XPO6: variants seen among roughly 807,000 people sequenced by gnomAD.
XPO6 encodes the protein exportin-6.
In XPO6, 3 loss-of-function variants were observed where a neutral mutation model predicts 130.0. The ratio of observed to expected loss-of-function variants is 0.02; its 90% CI spans 0.01 to 0.06. The LOEUF is 0.06. Ranked by LOEUF, XPO6 falls within the 10% of genes least tolerant of loss-of-function variation. XPO6 has a pLI of 1.00. For missense variants in XPO6, 970 were observed against 1,393.0 expected, an observed-to-expected ratio of 0.70 and a Z score of 4.83; for synonymous variants, 524 against 548.9, an observed-to-expected ratio of 0.95 and a Z score of 0.63.
At chr16:28,147,074 C>T (rs2042997119) in intron 8 of XPO6, among the ~76,000 whole-genome samples, 1 of 152,176 alleles carries the variant, frequency 6.6e-6, no homozygotes, top group African/African-American at 2.4e-5. Context: ...CTCACTGGAC[C>T]ACATATTTGG....
intron 17 of XPO6, among the ~76,000 whole-genome samples, chr16:28,109,793 GA>G (rs2086874600): frequency 6.6e-6 from 1 of 152,208 alleles, no homozygotes; most frequent in South Asian, 2.1e-4. Flanking sequence ...AACAACTGGG[GA>G]AAGTGTTAAT....
In XPO6 at chr16:28,147,380, T is replaced by C. The variant is rs527264392; in HGVS notation, c.1225-1177A>G. Among the ~76,000 whole-genome samples the C allele has an allele frequency of 6.0e-5, 9 of 151,246 alleles. No individual in the cohort carries two copies. In the South Asian group the frequency reaches 6.3e-4, roughly 11 times the overall value. The stretch of plus-strand genomic sequence containing the variant: ...GAGTTCGAGACCAGCCTGGGCAACA[T>C]AGTGAGACTCGGTGTGTATATTTTA... On this transcript the variant is annotated intron_variant, in intron 8 of 23. Coordinates refer to ENST00000304658, the MANE Select transcript of XPO6 (RefSeq NM_015171.4).
intron 5 of XPO6, chr16:28,167,095 G>GTGAC: frequency 1.0e-6 from 1 of 968,852 alleles, no homozygotes; most frequent in Non-Finnish European, 1.2e-6. Context: ...CACTGCTAGA[G>GTGAC]TGACTCATCC....
intron 6 of XPO6, among the ~76,000 whole-genome samples, chr16:28,162,826 G>T (rs776014390): frequency 2.0e-5 from 3 of 152,136 alleles, no homozygotes; most frequent in African/African-American, 4.8e-5. Context: ...AAAGTGCTGG[G>T]ATTTACAGGC....
chr16:28,171,476 A>AG (rs1479333989), intron 4 of XPO6, among the ~76,000 whole-genome samples: 2 of 151,740 alleles, frequency 1.3e-5, no homozygotes, highest in Non-Finnish European at 2.9e-5. Flanking sequence ...AAAAAAAAGA[A>AG]AAAGAAAGAA....
chr16:28,169,753 T>A lies in XPO6; in HGVS notation c.562A>T (p.Thr188Ser). 2 of 1,613,766 alleles carry A rather than the reference T, an allele frequency of 1.2e-6. No individual in the cohort carries two copies. The highest frequency in any genetic ancestry group is 1.7e-6 in the Non-Finnish European group (2 of 1,179,888). Reference sequence around the variant, plus strand: ...TGGGCACTACCATACTGCTCACCTGTCAGTAGCCCAAGCACTGTCTGCACC... The same window carrying A: ...TGGGCACTACCATACTGCTCACCTGACAGTAGCCCAAGCACTGTCTGCACC... Reference protein sequence around the residue: ...DQVQTVLGLLTGILETVWDKH... With the variant: ...DQVQTVLGLLSGILETVWDKH... Residue 188 changes from threonine to serine, a missense_variant, in exon 5 of 24, where the codon ACA (threonine) becomes TCA (serine). By Grantham distance (58) the Thr-to-Ser change is moderately conservative (BLOSUM62 1). Around this residue, in one of 4 missense-constraint regions of XPO6, gnomAD observed 936 missense variants for 1,306.8 expected, o/e 0.72. Transcript: ENST00000304658.
intron 8 of XPO6, among the ~76,000 whole-genome samples, chr16:28,150,181 T>C (rs565909255): frequency 6.6e-6 from 1 of 152,184 alleles, no homozygotes; most frequent in Non-Finnish European, 1.5e-5. Context: ...GTCAAAGACA[T>C]ACCTACTCCC....
rs148637340 is a variant in XPO6 at position 28,136,204 on chromosome 16, G to GTGTTTTGTTT, written c.1335-890_1335-881dup. 5.0e-3 allele frequency among the ~76,000 whole-genome samples: 761 copies of GTGTTTTGTTT among 151,920 alleles called. 12 individuals are homozygous for GTGTTTTGTTT. The highest frequency in any genetic ancestry group is 0.018 in the African/African-American group (730 of 41,372). On this transcript the variant is annotated intron_variant, in intron 9 of 23. Coordinates refer to ENST00000304658, the MANE Select transcript of XPO6 (RefSeq NM_015171.4). ...TCGCTACACATAAATCACCAATGAAGTGTTTTGTTTTGTTTTGTTTTGTTT... is the reference window on the plus strand; with the variant it reads ...TCGCTACACATAAATCACCAATGAAGTGTTTTGTTTTGTTTTGTTTTGTTTTGTTTTGTTT...
At chr16:28,100,261 A>G (rs1465591011) in intron 23 of XPO6, among the ~76,000 whole-genome samples, 1 of 152,234 alleles carries the variant, frequency 6.6e-6, no homozygotes, top group Non-Finnish European at 1.5e-5. Context: ...AAGTGCTGAG[A>G]TTACAGGTGT....
At chr16:28,130,157 G>A (rs2042636481) in intron 12 of XPO6, among the ~76,000 whole-genome samples, 1 of 152,220 alleles carries the variant, frequency 6.6e-6, no homozygotes, top group Admixed American at 6.5e-5. Flanking sequence ...CAACTGCTCT[G>A]ACAAAAGCAA....
In XPO6 at chr16:28,204,830, T is replaced by C. The variant is rs192108438; in HGVS notation, c.3+6536A>G. Among the ~76,000 whole-genome samples the C allele has an allele frequency of 3.9e-5, 6 of 152,248 alleles. No homozygotes were observed. In the South Asian group the frequency reaches 1.0e-3, roughly 26 times the overall value. ...GACACTACTGACAGATCCAGTAAGA[T>C]AGGGACTGAGAGCTAACCACTGGAT... On this transcript the variant is annotated intron_variant, in intron 1 of 23. Transcript: ENST00000304658.
At chr16:28,159,224 C>CT (rs2043231986) in intron 6 of XPO6, among the ~76,000 whole-genome samples, 1 of 151,648 alleles carries the variant, frequency 6.6e-6, no homozygotes, top group Non-Finnish European at 1.5e-5. Flanking sequence ...GAGCAAGACT[C>CT]TGTCTTTAAA....
chr16:28,112,130 T>C (rs2086939525), intron 16 of XPO6, 124 bp from the exon 17 acceptor site: 7 of 1,167,732 alleles, frequency 6.0e-6, no homozygotes, highest in South Asian at 4.8e-5. Flanking sequence ...GGCTCGTTTC[T>C]TGCAACCTGG....
intron 1 of XPO6, among the ~76,000 whole-genome samples, chr16:28,184,009 G>A (rs773987759): frequency 7.9e-5 from 12 of 152,144 alleles, no homozygotes; most frequent in South Asian, 2.1e-4. Context: ...CAAAGCCACC[G>A]GAACCTTGGC....
In XPO6 at chr16:28,171,507, C is replaced by T. The variant is rs114715087; in HGVS notation, c.406-1598G>A. On this transcript the variant is annotated intron_variant, in intron 4 of 23. Transcript: ENST00000304658. Reference sequence around the variant, plus strand: ...AAGAAATACAGGGTACATTCCTTTCCCTTAGAAATAACTCTCCCTATCACA... The same window carrying T: ...AAGAAATACAGGGTACATTCCTTTCTCTTAGAAATAACTCTCCCTATCACA... Among the ~76,000 whole-genome samples the T allele has an allele frequency of 4.7e-3, 712 of 151,410 alleles. 3 individuals are homozygous for T. The highest frequency in any genetic ancestry group is 0.017 in the African/African-American group (688 of 41,110).
chr16:28,166,699 T>C (rs963672902), intron 5 of XPO6, 114 bp from the exon 6 acceptor site: 77 of 1,502,292 alleles, frequency 5.1e-5, no homozygotes, highest in Admixed American at 6.3e-5. Context: ...TGAACATCCC[T>C]TTCTTGACCA....
chr16:28,156,349 G>A lies in XPO6; in HGVS notation c.822C>T (p.Ile274=). 2 of 1,614,080 alleles carry A rather than the reference G, an allele frequency of 1.2e-6. No individual in the cohort carries two copies. The highest frequency in any genetic ancestry group is 2.2e-5 in the East Asian group (1 of 44,872). The part of the protein sequence containing the change: ...ASITPSLLTT[I]FHFARFGCDI... ...CACAGCCAAATCGTGCAAAGTGGAA[G>A]ATGGTGGTAAGGAGGGATGGGGTGA... Residue 274 remains isoleucine, a synonymous_variant, in exon 7 of 24, where the codon ATC becomes ATT. Coordinates refer to ENST00000304658, the MANE Select transcript of XPO6 (RefSeq NM_015171.4).
chr16:28,132,425 C>T lies in XPO6; in HGVS notation c.1537-22G>A. The stretch of plus-strand genomic sequence containing the variant: ...GGAACTGAAAACAAAGAAACAAAAA[C>T]AACAAAAATTTTAAGCCATAAATGC... On this transcript the variant is annotated intron_variant, in intron 11 of 23. Transcript: ENST00000304658. The surrounding 1 kb of genome is among the most constrained non-coding windows in gnomAD (Gnocchi z 4.0). The T allele has an allele frequency of 6.4e-7, 1 of 1,559,612 alleles. No individual in the cohort carries two copies. The highest frequency in any genetic ancestry group is 8.7e-7 in the Non-Finnish European group (1 of 1,147,244).
At chr16:28,169,633 T>G (rs1415113501) in intron 5 of XPO6, 117 bp downstream of exon 5, 1 of 1,348,498 alleles carries the variant, frequency 7.4e-7, no homozygotes, top group African/African-American at 1.4e-5. Context: ...CAGCTTCCCA[T>G]TTTCATGCTA....
Sources: allele counts gnomAD v4.1 joint callset (sites outside exome capture counted in the v4.1 genomes callset), GRCh38; gene constraint gnomAD v4.1.1; regional missense constraint gnomAD v4.1.1; non-coding constraint Gnocchi (gnomAD v3.1); transcripts MANE v1.5; gene names NCBI Gene and HGNC (gene_info 2026-07-23, HGNC 2026-07-21).